Variants in MYCBP2 observed in about 807,000 individuals in gnomAD.
The protein encoded by MYCBP2 is MYC binding protein 2, also known as E3 ubiquitin-protein ligase MYCBP2.
Under a neutral mutation model 525.3 loss-of-function variants are expected in MYCBP2, and 120 were observed. The ratio of observed to expected loss-of-function variants is 0.23; its 90% confidence interval spans 0.20 to 0.27. The LOEUF (loss-of-function observed/expected upper bound fraction) is 0.27. MYCBP2 is among the 10% of genes least tolerant of loss of function. The pLI is 1.00. For missense variants in MYCBP2, 4,149 were observed against 5,657.1 expected (o/e 0.73, Z 8.55); for synonymous variants, 1,894 against 1,955.8 (o/e 0.97, Z 0.83).
intron 14 of MYCBP2, among the ~76,000 whole-genome samples, chr13:77,252,430 C>A (rs2071377130): frequency 1.3e-5 from 2 of 152,114 alleles, no homozygotes; most frequent in South Asian, 4.1e-4. Flanking sequence ...AGACATTAAT[C>A]AAATAACCAA....
At position 77,262,054 on chromosome 13, in the gene MYCBP2, T is replaced by C; in HGVS notation, c.1646A>G (p.Lys549Arg). 1 of 1,609,526 alleles carries C rather than the reference T, an allele frequency of 6.2e-7. No individual in the cohort carries two copies. The highest frequency in any genetic ancestry group is 1.1e-5 in the South Asian group (1 of 90,504). The stretch of plus-strand genomic sequence containing the variant: ...TTTAATCCAAAGAGAATAATTTACC[T>C]TTCCATTTGCTGTTTTCATTAGCGC... Reference protein sequence around the residue: ...EFALMKTANGKIYYTGKYQSL... With the variant: ...EFALMKTANGRIYYTGKYQSL... The change falls in exon 11 of 83, where the codon AAG becomes AGG. Residue 549 changes from lysine (K) to arginine (R), a missense_variant and splice_region_variant. By Grantham distance (26) the Lys-to-Arg change is conservative (BLOSUM62 2). Around this residue, in one of 21 missense-constraint regions of MYCBP2, gnomAD observed 262 missense variants for 419.3 expected, o/e 0.62. Coordinates refer to ENST00000544440, the MANE Select transcript of MYCBP2 (RefSeq NM_015057.5).
In MYCBP2 at chr13:77,097,495, C is replaced by G. The variant is rs1421107096; in HGVS notation, c.9659G>C (p.Arg3220Thr). ...GGCCATCTCTCCAAACAAATTACCC[C>G]TGGGCCTAACTTCTGCCTTTTCTTT... is the stretch of plus-strand genomic sequence containing the variant. Reference protein sequence around the residue: ...KKKEKAEVRPRGNLFGEMAQL... With the variant: ...KKKEKAEVRPTGNLFGEMAQL... Residue 3220 changes from arginine to threonine, a missense_variant, in exon 56 of 83, where the codon AGG (arginine) becomes ACG (threonine). Transcript: ENST00000544440. 2 of 1,613,096 alleles carry G rather than the reference C, an allele frequency of 1.2e-6. No homozygotes were observed.
chr13:77,079,904 T>A (rs1393276513), intron 65 of MYCBP2, among the ~76,000 whole-genome samples: 2 of 152,200 alleles, frequency 1.3e-5, no homozygotes, highest in South Asian at 2.1e-4. Flanking sequence ...AAAGTAGATG[T>A]CAGCTTACAT....
At chr13:77,203,128 T>G (rs962435694) in intron 26 of MYCBP2, among the ~76,000 whole-genome samples, 1 of 152,114 alleles carries the variant, frequency 6.6e-6, no homozygotes. Flanking sequence ...GACGACATGA[T>G]TGTATATCTA....
intron 8 of MYCBP2, 27 bp downstream of exon 8, chr13:77,267,814 G>T (rs2074317581): frequency 2.0e-6 from 3 of 1,537,116 alleles, no homozygotes; most frequent in Admixed American, 1.7e-5. Context: ...ATTGCTTGTG[G>T]AGAAAAAATG....
At chr13:77,203,512 C>T (rs1593842462) in intron 26 of MYCBP2, among the ~76,000 whole-genome samples, 1 of 151,758 alleles carries the variant, frequency 6.6e-6, no homozygotes, top group East Asian at 1.9e-4. Flanking sequence ...ATCAAGCTAC[C>T]AATGACTTTC....
chr13:77,214,886 A>G (rs192722074), intron 21 of MYCBP2, among the ~76,000 whole-genome samples: 2 of 152,336 alleles, frequency 1.3e-5, no homozygotes, highest in Admixed American at 1.3e-4. Context: ...TAGCATACGC[A>G]GTCCATCACT....
In MYCBP2 at chr13:77,169,723, A is replaced by T; in HGVS notation, c.5795-9T>A. 6.3e-7 allele frequency: 1 copy of T among 1,596,400 alleles called. No homozygotes were observed. The highest frequency in any genetic ancestry group is 1.7e-5 in the Admixed American group (1 of 59,896). ...TTCTGGAATGTCATCAGCTAAAAAA[A>T]GGCATAAAAGGCATTAAAACTATAG... On this transcript the variant is annotated splice_polypyrimidine_tract_variant and intron_variant, in intron 38 of 82. Coordinates refer to ENST00000544440, the MANE Select transcript of MYCBP2 (RefSeq NM_015057.5).
intron 21 of MYCBP2, among the ~76,000 whole-genome samples, chr13:77,215,815 G>C (rs1247037227): frequency 6.6e-6 from 1 of 152,130 alleles, no homozygotes; most frequent in Non-Finnish European, 1.5e-5. Context: ...TCCTGGGCTT[G>C]AGTGATCCTC....
At chr13:77,136,678 T>C (rs552213425) in intron 52 of MYCBP2, among the ~76,000 whole-genome samples, 1 of 152,316 alleles carries the variant, frequency 6.6e-6, no homozygotes, top group African/African-American at 2.4e-5. Flanking sequence ...CAAATATTCA[T>C]TGCATTTCTC....
intron 59 of MYCBP2, 98 bp downstream of exon 59, chr13:77,093,067 C>A: frequency 8.2e-7 from 1 of 1,218,418 alleles, no homozygotes; most frequent in East Asian, 2.4e-5. Flanking sequence ...AACTGGCTCA[C>A]AGATGTATTA....
chr13:77,107,184 C>A (rs763436042), intron 55 of MYCBP2, among the ~76,000 whole-genome samples: 9 of 152,082 alleles, frequency 5.9e-5, no homozygotes. Flanking sequence ...AATAGAACTT[C>A]AGATATTTTT....
At chr13:77,126,294 T>C in intron 53 of MYCBP2, 24 bp downstream of exon 53, 2 of 1,594,032 alleles carry the variant, frequency 1.3e-6, no homozygotes, top group Non-Finnish European at 1.7e-6. Context: ...ATCTTAGAAG[T>C]CATGAAGCTA....
At chr13:77,175,641 T>TA (rs1390947508) in intron 36 of MYCBP2, among the ~76,000 whole-genome samples, 1 of 152,206 alleles carries the variant, frequency 6.6e-6, no homozygotes, top group African/African-American at 2.4e-5. Context: ...TTTGATGTGG[T>TA]AAAATTTCTC....
intron 13 of MYCBP2, among the ~76,000 whole-genome samples, chr13:77,259,625 C>T (rs2053827202): frequency 6.6e-6 from 1 of 152,208 alleles, no homozygotes; most frequent in African/African-American, 2.4e-5. Flanking sequence ...CATCTGGGTA[C>T]ACCTCCACTT....
In MYCBP2 at chr13:77,061,730, C is replaced by T; in HGVS notation, c.12835G>A (p.Gly4279Arg). ...TAAIILCNVC[G>R]NLCTDCDRFL... Reference sequence around the variant, plus strand: ...CTGTCACAGTCTGTACATAAATTTCCACAGACATTGCATAAAATGATTGCT... The same window carrying T: ...CTGTCACAGTCTGTACATAAATTTCTACAGACATTGCATAAAATGATTGCT... Residue 4279 changes from glycine (G) to arginine (R), a missense_variant, in exon 75 of 83, where the codon GGA becomes AGA. Gly to Arg is a moderately radical substitution (Grantham distance 125, BLOSUM62 -2). Around this residue, in one of 21 missense-constraint regions of MYCBP2, gnomAD observed 220 missense variants for 396.0 expected, o/e 0.56. Coordinates refer to ENST00000544440, the MANE Select transcript of MYCBP2 (RefSeq NM_015057.5). The T allele has an allele frequency of 6.2e-7, 1 of 1,611,286 alleles. No individual in the cohort carries two copies. The highest frequency in any genetic ancestry group is 8.5e-7 in the Non-Finnish European group (1 of 1,178,570).
intron 56 of MYCBP2, among the ~76,000 whole-genome samples, chr13:77,097,003 T>C (rs1248243077): frequency 6.6e-6 from 1 of 152,172 alleles, no homozygotes. Context: ...ATCAATCTAA[T>C]CTAATTTAAT....
chr13:77,146,249 A>G lies in MYCBP2; in HGVS notation c.7132-32T>C, dbSNP rs754219059. ...GAAAGAGACCAGTCTGAACAATCGT[A>G]AAATCATTTAAAAACATTCTCAATT... On this transcript the variant is annotated intron_variant, in intron 47 of 82. Transcript: ENST00000544440. 8 of 1,426,386 alleles carry G rather than the reference A, an allele frequency of 5.6e-6. No homozygotes were observed. The African/African-American group carries it at 1.2e-4, about 21-fold the overall frequency. The allele number at this position is 1,426,386 out of a possible 1,614,324, so 88.4% of individuals were successfully genotyped here.
intron 52 of MYCBP2, among the ~76,000 whole-genome samples, chr13:77,128,367 A>C (rs553552212): frequency 3.3e-5 from 5 of 152,012 alleles, no homozygotes; most frequent in Admixed American, 2.0e-4. Context: ...ATATCCATAG[A>C]TTTAGCAAAA....
Sources: gnomAD v4.1 joint callset for allele counts (sites outside exome capture counted in the v4.1 genomes callset) on GRCh38, gnomAD v4.1.1 for gene constraint, gnomAD v4.1.1 regional missense constraint, MANE v1.5 for transcripts, NCBI Gene and HGNC (gene_info 2026-07-23, HGNC 2026-07-21) for gene names.